Variants in DEPDC5 observed in about 807,000 individuals in gnomAD.
DEPDC5 encodes GATOR1 complex protein DEPDC5.
In DEPDC5, 73 loss-of-function variants were observed where a neutral mutation model predicts 217.3. The ratio of observed to expected loss-of-function variants is 0.34; its 90% CI spans 0.28 to 0.41. The LOEUF is 0.41. Ranked by LOEUF, DEPDC5 falls within the 10% of genes least tolerant of loss-of-function variation. DEPDC5 has a pLI of 1.00. For missense variants in DEPDC5, 1,675 were observed against 2,070.1 expected, an observed-to-expected ratio of 0.81 and a Z score of 3.70; for synonymous variants, 733 against 756.7, an observed-to-expected ratio of 0.97 and a Z score of 0.51.
At chr22:31,852,308 A>G (rs573325396) in intron 31 of DEPDC5, among the ~76,000 whole-genome samples, 58 of 146,976 alleles carry the variant, frequency 3.9e-4, no homozygotes, top group Admixed American at 1.6e-3. Context: ...TATCCAACTT[A>G]TGTTTTCCTT....
chr22:31,773,447 C>T (rs2083529414), intron 7 of DEPDC5, among the ~76,000 whole-genome samples: 1 of 152,184 alleles, frequency 6.6e-6, no homozygotes, highest in African/African-American at 2.4e-5. Context: ...AAACGATCCT[C>T]TTGGCTCAGC....
chr22:31,897,775 C>A, intron 40 of DEPDC5, 122 bp downstream of exon 40: 1 of 1,162,930 alleles, frequency 8.6e-7, no homozygotes, highest in Non-Finnish European at 1.2e-6. Flanking sequence ...CAACAAGGGG[C>A]CAAAAGGATC....
chr22:31,786,423 C>CT (rs1183327092), intron 10 of DEPDC5, among the ~76,000 whole-genome samples: 6 of 67,884 alleles, frequency 8.8e-5, no homozygotes, highest in African/African-American at 4.2e-4. Flanking sequence ...GATGTGGTAG[C>CT]TAAAAAAAAA....
intron 31 of DEPDC5, among the ~76,000 whole-genome samples, chr22:31,853,825 G>A (rs1270371913): frequency 6.6e-6 from 1 of 152,190 alleles, no homozygotes; most frequent in Non-Finnish European, 1.5e-5. Context: ...CAGAGAGAGA[G>A]AGACCCCACC....
In DEPDC5 at chr22:31,831,805, ATATT is replaced by A. The variant is rs374878231; in HGVS notation, c.2105-2107_2105-2104del. Among the ~76,000 whole-genome samples the A allele has an allele frequency of 2.9e-3, 439 of 152,308 alleles. 2 individuals are homozygous for A. The highest frequency in any genetic ancestry group is 9.1e-3 in the African/African-American group (379 of 41,564). On this transcript the variant is annotated intron_variant, in intron 24 of 42. Coordinates refer to ENST00000651528, the MANE Select transcript of DEPDC5 (RefSeq NM_001242896.3). ...AAATTTATGTCCAGTAAAATGTGCT[ATATT>A]TAGTGTACAGTTCTGTGAGTTTTGA...
At chr22:31,873,391 T>C in intron 35 of DEPDC5, 59 bp downstream of exon 35, 6 of 1,574,686 alleles carry the variant, frequency 3.8e-6, no homozygotes, top group Non-Finnish European at 4.3e-6. Context: ...GCCACAGCCA[T>C]GTTTAGGCAG....
upstream of DEPDC5, chr22:31,754,014 G>C (rs1290182433): frequency 6.7e-6 from 1 of 149,214 alleles, no homozygotes; most frequent in Non-Finnish European, 1.5e-5. Flanking sequence ...CTACACGGTC[G>C]GGGCGGGCCT....
chr22:31,791,777 A>C (rs1279168255), intron 10 of DEPDC5, among the ~76,000 whole-genome samples: 2 of 149,806 alleles, frequency 1.3e-5, no homozygotes, highest in African/African-American at 4.9e-5. Context: ...AAATACAAAA[A>C]TTAGCTGGGC....
At chr22:31,865,989 C>A (rs750784351) in intron 33 of DEPDC5, among the ~76,000 whole-genome samples, 2 of 152,178 alleles carry the variant, frequency 1.3e-5, no homozygotes, top group Non-Finnish European at 2.9e-5. Context: ...CTCTACCAGC[C>A]TCCAGGCACA....
intron 7 of DEPDC5, chr22:31,769,259 CAA>C (rs5844955): frequency 1.5e-4 from 10 of 66,586 alleles, no homozygotes; most frequent in African/African-American, 1.7e-4. Context: ...AACTCCGTCT[CAA>C]AAAAAAAAAA....
chr22:31,856,203 G>GAC lies in DEPDC5; in HGVS notation c.3156-1227_3156-1226dup, dbSNP rs796449578. Reference sequence around the variant, plus strand: ...CACACACACACACTTCATTGCCTATGACACACACACACACACTTCATTGCC... The same window carrying GAC: ...CACACACACACACTTCATTGCCTATGACACACACACACACACACTTCATTGCC... On this transcript the variant is annotated intron_variant, in intron 31 of 42. Coordinates refer to ENST00000651528, the MANE Select transcript of DEPDC5 (RefSeq NM_001242896.3). Among the ~76,000 whole-genome samples, 411 of 133,774 alleles carry GAC rather than the reference G, an allele frequency of 3.1e-3. 2 individuals carry two copies. The highest frequency in any genetic ancestry group is 9.8e-3 in the African/African-American group (317 of 32,190). 87.8% of individuals were successfully genotyped at this position (133,774 alleles called of 152,430 possible). A position where few individuals can be genotyped will look rare whatever the true frequency, so the allele number is the denominator to read the frequency against.
intron 24 of DEPDC5, chr22:31,826,454 CTG>C (rs1272094192): frequency 2.3e-5 from 10 of 430,308 alleles, no homozygotes; most frequent in Non-Finnish European, 4.6e-5. Flanking sequence ...CTCAAAAGAA[CTG>C]TGTCCTCGTG....
intron 24 of DEPDC5, among the ~76,000 whole-genome samples, chr22:31,833,016 G>A (rs927186314): frequency 7.9e-5 from 12 of 152,230 alleles, no homozygotes; most frequent in African/African-American, 2.2e-4. Flanking sequence ...GTTAGCCACC[G>A]TTGAATGTTT....
At position 31,821,554 on chromosome 22, in the gene DEPDC5, G is replaced by A. The variant is rs779926819; in HGVS notation, c.1923G>A (p.Ala641=). 7.4e-6 allele frequency: 12 copies of A among 1,614,100 alleles called. No homozygotes were observed. The highest frequency in any genetic ancestry group is 6.6e-5 in the South Asian group (6 of 91,086). ...QIHHQTRQNM[A]ELQGSGQRDP... is the part of the protein sequence containing the mutation. ...ACCACCAGACCCGACAGAATATGGC[G>A]GAGCTACAAGGCAGCGGGCAGAGGG... The change falls in exon 23 of 43, where the codon GCG becomes GCA. Residue 641 remains alanine (A), a synonymous_variant. Coordinates refer to ENST00000651528, the MANE Select transcript of DEPDC5 (RefSeq NM_001242896.3).
chr22:31,782,419 C>T (rs2084548054), intron 8 of DEPDC5, among the ~76,000 whole-genome samples: 1 of 152,144 alleles, frequency 6.6e-6, no homozygotes, highest in Non-Finnish European at 1.5e-5. Context: ...TTATGGGTGT[C>T]AGCCATCGTG....
chr22:31,792,193 C>A, intron 11 of DEPDC5, 91 bp downstream of exon 11: 2 of 917,560 alleles, frequency 2.2e-6, no homozygotes, highest in Non-Finnish European at 3.5e-6. Context: ...TTCCTCGTTG[C>A]ACTTTTCCAC....
intron 8 of DEPDC5, among the ~76,000 whole-genome samples, chr22:31,781,216 C>CAAAAAAAAAAAA (rs1243159443): frequency 1.0e-5 from 1 of 97,884 alleles, no homozygotes; most frequent in Non-Finnish European, 2.1e-5. Flanking sequence ...AACTCGGTCT[C>CAAAAAAAAAAAA]AAAAACAAAC....
intron 7 of DEPDC5, among the ~76,000 whole-genome samples, chr22:31,772,751 G>T (rs1281456295): frequency 2.0e-5 from 3 of 150,086 alleles, no homozygotes; most frequent in African/African-American, 7.3e-5. Flanking sequence ...TTTTTCTATT[G>T]CTTCCTCTTT....
At chr22:31,823,554 AGAG>A (rs1464493574) in intron 24 of DEPDC5, among the ~76,000 whole-genome samples, 1 of 149,628 alleles carries the variant, frequency 6.7e-6, no homozygotes, top group African/African-American at 2.4e-5. Context: ...AAAAAAAAAA[AGAG>A]AAGTGAGCAC....
Sources: gnomAD v4.1 joint callset for allele counts (sites outside exome capture counted in the v4.1 genomes callset) on GRCh38, gnomAD v4.1.1 for gene constraint, MANE v1.5 for transcripts, NCBI Gene and HGNC (gene_info 2026-07-23, HGNC 2026-07-21) for gene names.